MTA3: variants seen among roughly 807,000 people sequenced by gnomAD.
MTA3 encodes the protein metastasis associated 1 family member 3.
Under a neutral mutation model 83.5 loss-of-function variants are expected in MTA3, and 34 were observed. The ratio of observed to expected loss-of-function variants is 0.41; its 90% confidence interval spans 0.31 to 0.54. The LOEUF is 0.54. Among genes scored for constraint, MTA3 ranks in the 20% least tolerant of loss-of-function variants. The pLI, the probability that MTA3 is intolerant of heterozygous loss-of-function variation, is 0.33. For missense variants in MTA3, 761 were observed against 726.4 expected (o/e 1.05, Z -0.55); for synonymous variants, 303 against 252.7 (o/e 1.20, Z -1.89).
At chr2:42,594,718 ATATATATATAT>A (rs1314773684) in intron 3 of MTA3, among the ~76,000 whole-genome samples, 3 of 38,654 alleles carry the variant, frequency 7.8e-5, no homozygotes, top group African/African-American at 5.5e-4. Context: ...ATATATATAT[ATATATATATAT>A]TTTTTTTTTT....
intron 2 of MTA3, among the ~76,000 whole-genome samples, chr2:42,531,826 G>A (rs566527467): frequency 3.3e-5 from 5 of 150,646 alleles, no homozygotes; most frequent in Admixed American, 1.3e-4. Context: ...GCACAATCTC[G>A]GCTCACTGCA....
chr2:42,746,340 C>T (rs1310267975), intron 16 of MTA3, among the ~76,000 whole-genome samples: 1 of 152,188 alleles, frequency 6.6e-6, no homozygotes, highest in African/African-American at 2.4e-5. Flanking sequence ...AAAAAACACA[C>T]TCAGAGCAGT....
chr2:42,607,599 C>T (rs770232072), intron 3 of MTA3, among the ~76,000 whole-genome samples: 14 of 152,174 alleles, frequency 9.2e-5, no homozygotes, highest in Non-Finnish European at 1.5e-4. Flanking sequence ...TTGCCTCAGC[C>T]TCCCAAAGTG....
rs1469182373 is a variant in MTA3, at chr2:42,722,972, C to G, written c.1696C>G (p.Pro566Ala). The change falls in exon 16 of 17, where the codon CCA (proline) becomes GCA (alanine). Residue 566 changes from proline (P) to alanine (A), a missense_variant. By Grantham distance (27) the Pro-to-Ala change is conservative. Transcript: ENST00000405094. ...TPTTKRMLTT[P>A]NHTSLSILGK... ...AACTACCAAGCGGATGCTAACAACT[C>G]CAAATCACACATCTCTGAGCATTCT... The G allele has an allele frequency of 1.9e-6, 3 of 1,551,190 alleles. No individual in the cohort carries two copies. Among genetic ancestry groups the G allele is most frequent in the Non-Finnish European group, 2.6e-6 (3 of 1,147,126 alleles).
At chr2:42,747,888 A>T (rs1669557446) in intron 16 of MTA3, among the ~76,000 whole-genome samples, 1 of 152,060 alleles carries the variant, frequency 6.6e-6, no homozygotes, top group Non-Finnish European at 1.5e-5. Flanking sequence ...AATCAAAATA[A>T]TAAACTTAAT....
At chr2:42,617,681 C>T (rs1030214641) in intron 4 of MTA3, among the ~76,000 whole-genome samples, 6 of 151,892 alleles carry the variant, frequency 4.0e-5, no homozygotes, top group South Asian at 2.1e-4. Flanking sequence ...GAGGCTGAGA[C>T]AGGAGAATCA....
chr2:42,756,535 G>A lies in MTA3; in HGVS notation c.*3136G>A. On this transcript the variant is annotated 3_prime_UTR_variant, in exon 17 of 17. Coordinates refer to ENST00000405094, the MANE Select transcript of MTA3 (RefSeq NM_001330442.2). ...AGCCTGGTGTTTATGCCCCACTGCT[G>A]TCCTAAGTCCCTGGCGAGGGGAGGT... 3 of 985,770 alleles carry A rather than the reference G, an allele frequency of 3.0e-6. No homozygotes were observed. The highest frequency in any genetic ancestry group is 3.6e-6 in the Non-Finnish European group (3 of 830,192). 61.1% of individuals were successfully genotyped at this position (985,770 alleles called of 1,614,324 possible).
Position 42,740,952 on chromosome 2 carries a change from A to G in MTA3, c.1760-12422A>G, listed in dbSNP as rs543887280. On this transcript the variant is annotated intron_variant, in intron 16 of 16. Transcript: ENST00000405094. ...TGAAGGCATTGGCTTCTCTCTAGCT[A>G]TGAAAGTCCTAGATGGCATCTTCTT... is the stretch of plus-strand genomic sequence containing the variant. Among the ~76,000 whole-genome samples, 8 of 152,366 alleles carry G rather than the reference A, an allele frequency of 5.3e-5. No individual in the cohort carries two copies. In the South Asian group the frequency reaches 1.0e-3, roughly 20 times the overall value.
chr2:42,544,629 T>C (rs1343164707), intron 2 of MTA3, among the ~76,000 whole-genome samples: 2 of 151,332 alleles, frequency 1.3e-5, no homozygotes, highest in Non-Finnish European at 2.9e-5. Flanking sequence ...CCTCAGGTGA[T>C]TGCCACCTCG....
At chr2:42,702,369 G>A (rs1336788418) in intron 11 of MTA3, 1 of 152,192 alleles carries the variant, frequency 6.6e-6, no homozygotes, top group African/African-American at 2.4e-5. Flanking sequence ...GCAGTGGTGG[G>A]AGTGTCACCT....
chr2:42,754,590 G>C lies in MTA3; in HGVS notation c.*1191G>C, dbSNP rs1015813902. The C allele has an allele frequency of 2.0e-6, 2 of 985,360 alleles. No individual in the cohort carries two copies. The highest frequency in any genetic ancestry group is 3.5e-5 in the African/African-American group (2 of 57,226). The allele number at this position is 985,360 out of a possible 1,614,324, so 61.0% of individuals were successfully genotyped here. On this transcript the variant is annotated 3_prime_UTR_variant, in exon 17 of 17. Transcript: ENST00000405094. ...TAGCTCAGCGCCCGATGAGCTCCCT[G>C]AGCAGATGTGAGGCTGGCAACTCCC... is the stretch of plus-strand genomic sequence containing the variant.
intron 7 of MTA3, among the ~76,000 whole-genome samples, chr2:42,657,149 G>A (rs1242770404): frequency 6.6e-6 from 1 of 152,094 alleles, no homozygotes; most frequent in Non-Finnish European, 1.5e-5. Context: ...ACCAAACATG[G>A]CAAAATATTA....
At chr2:42,494,357 C>T (rs1399759415), upstream of MTA3, among the ~76,000 whole-genome samples, 1 of 152,224 alleles carries the variant, frequency 6.6e-6, no homozygotes, top group Non-Finnish European at 1.5e-5. Context: ...GTTCAAAGCC[C>T]AGTGTGGACT....
At chr2:42,561,720 AG>A (rs1677684689) in intron 2 of MTA3, among the ~76,000 whole-genome samples, 1 of 152,050 alleles carries the variant, frequency 6.6e-6, no homozygotes. Flanking sequence ...CAAGGGATTG[AG>A]TAGGACTTAG....
At chr2:42,692,110 T>A (rs976459710) in intron 9 of MTA3, among the ~76,000 whole-genome samples, 3 of 152,202 alleles carry the variant, frequency 2.0e-5, no homozygotes, top group Non-Finnish European at 4.4e-5. Context: ...ATTTGCTCTT[T>A]CAAGGCTATT....
chr2:42,644,353 A>G (rs893440045), intron 6 of MTA3, 109 bp downstream of exon 6: 1 of 616,720 alleles, frequency 1.6e-6, no homozygotes, highest in African/African-American at 1.9e-5. Context: ...TCTAAAAGTT[A>G]TAAGCACTTG....
At chr2:42,502,052 A>G (rs1416649419) in intron 2 of MTA3, among the ~76,000 whole-genome samples, 2 of 152,122 alleles carry the variant, frequency 1.3e-5, no homozygotes, top group Non-Finnish European at 2.9e-5. Context: ...AAGGGTTTTT[A>G]AAGTCAGGAA....
At chr2:42,583,676 A>T (rs1309357988) in intron 3 of MTA3, among the ~76,000 whole-genome samples, 1 of 151,932 alleles carries the variant, frequency 6.6e-6, no homozygotes, top group Non-Finnish European at 1.5e-5. Flanking sequence ...GTACACGCGC[A>T]TGCCACCATG....
intron 3 of MTA3, among the ~76,000 whole-genome samples, chr2:42,581,181 G>T (rs1679579930): frequency 6.6e-6 from 1 of 152,050 alleles, no homozygotes. Context: ...ATTATGATAT[G>T]AGTTCTGTCA....
Sources: gnomAD v4.1 joint callset for allele counts (sites outside exome capture counted in the v4.1 genomes callset) on GRCh38, gnomAD v4.1.1 for gene constraint, MANE v1.5 for transcripts, NCBI Gene and HGNC (gene_info 2026-07-23, HGNC 2026-07-21) for gene names.